MACROD2: variants seen among roughly 807,000 people sequenced by gnomAD.
The protein encoded by MACROD2 is ADP-ribose glycohydrolase MACROD2.
A neutral mutation model predicts 70.4 loss-of-function variants in MACROD2; 36 were observed. The observed-to-expected ratio is 0.51, with a 90% CI of 0.39 to 0.68. MACROD2 has a LOEUF of 0.68. Ranked by LOEUF, MACROD2 falls within the 30% of genes least tolerant of loss-of-function variation. The pLI is 0.00. For synonymous variants in MACROD2, 172 were observed against 178.8 expected (o/e 0.96, Z 0.30); for missense variants, 496 against 538.4 (o/e 0.92, Z 0.78).
At chr20:14,139,431 A>G (rs577185028) in intron 3 of MACROD2, among the ~76,000 whole-genome samples, 8 of 152,312 alleles carry the variant, frequency 5.3e-5, no homozygotes, top group African/African-American at 1.9e-4. Context: ...TCCAAAACCT[A>G]TGTTTTTAAC....
intron 10 of MACROD2, among the ~76,000 whole-genome samples, chr20:15,907,804 G>C (rs1160054203): frequency 6.6e-6 from 1 of 152,174 alleles, no homozygotes; most frequent in Non-Finnish European, 1.5e-5. Flanking sequence ...TAGAGGTCAG[G>C]AAGAATTTTA....
chr20:14,215,263 CAT>C (rs948330778), intron 3 of MACROD2, among the ~76,000 whole-genome samples: 1 of 148,418 alleles, frequency 6.7e-6, no homozygotes, highest in Non-Finnish European at 1.5e-5. Context: ...TATATTCCAT[CAT>C]ATATATATGT....
intron 3 of MACROD2, among the ~76,000 whole-genome samples, chr20:14,398,091 CTT>C (rs757321597): frequency 2.0e-5 from 3 of 151,992 alleles, no homozygotes; most frequent in African/African-American, 7.2e-5. Context: ...TTTTATTATA[CTT>C]GTGTGTGTGT....
At chr20:15,164,457 TA>T (rs1382642077) in intron 5 of MACROD2, among the ~76,000 whole-genome samples, 1 of 152,126 alleles carries the variant, frequency 6.6e-6, no homozygotes, top group African/African-American at 2.4e-5. Flanking sequence ...AAAATCATAA[TA>T]AAAATTTAAA....
intron 17 of MACROD2, among the ~76,000 whole-genome samples, chr20:16,045,329 A>C (rs550207262): frequency 6.6e-6 from 1 of 152,316 alleles, no homozygotes; most frequent in African/African-American, 2.4e-5. Flanking sequence ...AAATATATTT[A>C]GAATGATGAG....
intron 3 of MACROD2, among the ~76,000 whole-genome samples, chr20:14,163,226 T>C (rs1332472313): frequency 6.6e-6 from 1 of 152,206 alleles, no homozygotes; most frequent in Non-Finnish European, 1.5e-5. Flanking sequence ...GGGTATAGTA[T>C]ACATGGCTGT....
chr20:15,058,768 A>G (rs959934696), intron 5 of MACROD2, among the ~76,000 whole-genome samples: 16 of 152,196 alleles, frequency 1.1e-4, no homozygotes, highest in African/African-American at 3.4e-4. Flanking sequence ...TAAAAATGTA[A>G]CCATCTGTCC....
chr20:14,999,480 A>T (rs753624922), intron 5 of MACROD2, among the ~76,000 whole-genome samples: 31 of 152,140 alleles, frequency 2.0e-4, no homozygotes, highest in Non-Finnish European at 2.9e-5. Context: ...CTCTGTGTCT[A>T]CAAAAAAATA....
chr20:14,981,937 A>C (rs2074804888), intron 5 of MACROD2, among the ~76,000 whole-genome samples: 1 of 152,114 alleles, frequency 6.6e-6, no homozygotes, highest in Non-Finnish European at 1.5e-5. Context: ...CAGTTTAGAG[A>C]GCTCATAAGA....
intron 7 of MACROD2, among the ~76,000 whole-genome samples, chr20:15,443,083 T>C (rs529991675): frequency 6.6e-6 from 1 of 152,274 alleles, no homozygotes; most frequent in South Asian, 2.1e-4. Context: ...GAATACATAA[T>C]TGCATTATTT....
intron 3 of MACROD2, among the ~76,000 whole-genome samples, chr20:14,198,842 A>G (rs2148745719): frequency 6.6e-6 from 1 of 152,304 alleles, no homozygotes; most frequent in South Asian, 2.1e-4. Context: ...AATCTAAATG[A>G]GCATTTTCTG....
chr20:14,660,587 T>A (rs1236394741), intron 4 of MACROD2, among the ~76,000 whole-genome samples: 1 of 152,202 alleles, frequency 6.6e-6, no homozygotes, highest in Non-Finnish European at 1.5e-5. Flanking sequence ...AAGTAATTGT[T>A]ACATGAGTGT....
intron 3 of MACROD2, among the ~76,000 whole-genome samples, chr20:14,098,266 T>G (rs1235410254): frequency 6.6e-6 from 1 of 152,250 alleles, no homozygotes; most frequent in African/African-American, 2.4e-5. Context: ...TCTGTGTCCT[T>G]CAGCTTTAGC....
chr20:15,193,759 TCTC>T (rs1488863026), intron 5 of MACROD2, among the ~76,000 whole-genome samples: 6 of 151,308 alleles, frequency 4.0e-5, no homozygotes, highest in Non-Finnish European at 1.5e-5. Context: ...ACTCCTTCAT[TCTC>T]CTACTCTCAC....
intron 13 of MACROD2, among the ~76,000 whole-genome samples, chr20:15,984,638 C>CG (rs2066451825): frequency 6.6e-6 from 1 of 150,576 alleles, no homozygotes. Flanking sequence ...GCCTCCCCCC[C>CG]CCGCCCTTCT....
chr20:14,678,798 G>A (rs1324666934), intron 4 of MACROD2, among the ~76,000 whole-genome samples: 1 of 152,066 alleles, frequency 6.6e-6, no homozygotes, highest in African/African-American at 2.4e-5. Flanking sequence ...AGTGGAGAAG[G>A]GGGTGAACTT....
chr20:15,972,170 A>G (rs2066241537), intron 13 of MACROD2, among the ~76,000 whole-genome samples: 1 of 151,868 alleles, frequency 6.6e-6, no homozygotes, highest in South Asian at 2.1e-4. Flanking sequence ...AGCTATCCAA[A>G]TGAAAACAGA....
intron 8 of MACROD2, among the ~76,000 whole-genome samples, chr20:15,861,812 C>T (rs1157553325): frequency 1.3e-5 from 2 of 152,158 alleles, no homozygotes; most frequent in African/African-American, 2.4e-5. Context: ...GGGGTTCTTT[C>T]TTGTCCTGCC....
intron 2 of MACROD2, among the ~76,000 whole-genome samples, chr20:14,032,008 C>A (rs1023320414): frequency 3.9e-5 from 6 of 151,928 alleles, no homozygotes; most frequent in Non-Finnish European, 7.4e-5. Flanking sequence ...AGTCATGTTG[C>A]GTCTTATGCT....
Sources: gnomAD v4.1 joint callset for allele counts (sites outside exome capture counted in the v4.1 genomes callset) on GRCh38, gnomAD v4.1.1 for gene constraint, MANE v1.5 for transcripts, NCBI Gene and HGNC (gene_info 2026-07-23, HGNC 2026-07-21) for gene names.